Variants in NXN observed in about 807,000 individuals in gnomAD.
NXN encodes the protein nucleoredoxin.
In NXN, 16 loss-of-function variants were observed where a neutral mutation model predicts 48.6. That is an observed-to-expected ratio of 0.33 (90% CI 0.22 to 0.50). NXN has a LOEUF of 0.50. Ranked by LOEUF, NXN falls within the 20% of genes least tolerant of loss-of-function variation. NXN has a pLI of 0.98. For missense variants in NXN, 492 were observed against 605.5 expected, an observed-to-expected ratio of 0.81 and a Z score of 1.97; for synonymous variants, 281 against 269.6, an observed-to-expected ratio of 1.04 and a Z score of -0.41.
chr17:934,812 T>G (rs2068891553), intron 1 of NXN, among the ~76,000 whole-genome samples: 1 of 151,416 alleles, frequency 6.6e-6, no homozygotes, highest in South Asian at 2.1e-4. Flanking sequence ...AGGCGGAGGG[T>G]GCAGTGAGCC....
chr17:904,423 T>C (rs617559), intron 1 of NXN, among the ~76,000 whole-genome samples: 134,049 of 152,074 alleles, frequency 0.88, 59,220 homozygotes, highest in East Asian at 0.97. Flanking sequence ...CAGTGGCCTC[T>C]TTTCCGAGGG....
intron 1 of NXN, among the ~76,000 whole-genome samples, chr17:933,033 G>A (rs1355276309): frequency 1.3e-5 from 2 of 152,098 alleles, no homozygotes; most frequent in Non-Finnish European, 2.9e-5. Flanking sequence ...GCTGTGGCCC[G>A]AAGCTCCCAA....
intron 1 of NXN, 66 bp downstream of exon 1, chr17:979,253 T>TGGGGGGCGGGCAGGGGGAACGGGCGG: frequency 1.3e-6 from 1 of 742,602 alleles, no homozygotes; most frequent in South Asian, 3.9e-5. Context: ...GTAACGGGCG[T>TGGGGGGCGGGCAGGGGGAACGGGCGG]GGGGGGCGGG....
intron 1 of NXN, among the ~76,000 whole-genome samples, chr17:833,328 G>T (rs544391918): frequency 1.3e-5 from 2 of 152,250 alleles, no homozygotes; most frequent in African/African-American, 2.4e-5. Flanking sequence ...AAACAATGTG[G>T]TCTGCACGGG....
intron 1 of NXN, among the ~76,000 whole-genome samples, chr17:979,115 G>A (rs1286104261): frequency 8.9e-6 from 1 of 112,792 alleles, no homozygotes; most frequent in African/African-American, 3.6e-5. Context: ...GGAAGGGGGG[G>A]GGGCAGAGGC....
At chr17:843,002 AAG>A (rs796094572) in intron 1 of NXN, among the ~76,000 whole-genome samples, 2 of 100,178 alleles carry the variant, frequency 2.0e-5, no homozygotes, top group African/African-American at 7.9e-5. Flanking sequence ...GAAAGAGAGA[AAG>A]AGAGAAAGAA....
chr17:833,039 T>C (rs540470818), intron 1 of NXN, among the ~76,000 whole-genome samples: 4 of 152,056 alleles, frequency 2.6e-5, no homozygotes, highest in South Asian at 2.1e-4. Context: ...TACAGGCACC[T>C]GCCACCACGC....
chr17:953,234 G>C (rs1423230154), intron 1 of NXN, among the ~76,000 whole-genome samples: 1 of 152,100 alleles, frequency 6.6e-6, no homozygotes, highest in African/African-American at 2.4e-5. Context: ...GGCCAACATG[G>C]TGAAACCCCA....
intron 1 of NXN, among the ~76,000 whole-genome samples, chr17:841,418 G>A (rs62067125): frequency 0.11 from 9,088 of 81,316 alleles, 779 homozygotes; most frequent in East Asian, 0.32. Flanking sequence ...CCCTGACCAC[G>A]GCGCATCTCA....
intron 1 of NXN, among the ~76,000 whole-genome samples, chr17:857,799 C>A (rs576736979): frequency 6.6e-6 from 1 of 152,066 alleles, no homozygotes; most frequent in Non-Finnish European, 1.5e-5. Context: ...CTAGGTGGCA[C>A]GAGTATCCCT....
chr17:824,639 T>C (rs1913001466), intron 2 of NXN, among the ~76,000 whole-genome samples: 1 of 152,210 alleles, frequency 6.6e-6, no homozygotes, highest in Non-Finnish European at 1.5e-5. Context: ...TCTGATTCTA[T>C]TGCTCTTGAT....
rs979526329 is a variant in NXN, at chr17:836,116, A to G, written c.361-10038T>C. ...CGGTGGGATTCGTCAGCCCCCACAG[A>G]GGCCGCAGGGGAAAAACACCGGTGG... is the stretch of plus-strand genomic sequence containing the variant. On this transcript the variant is annotated intron_variant, in intron 1 of 7. Transcript: ENST00000336868. 3.4e-4 allele frequency among the ~76,000 whole-genome samples: 47 copies of G among 137,398 alleles called. 3 individuals are homozygous for G. The highest frequency in any genetic ancestry group is 3.6e-3 in the Middle Eastern group (1 of 280). 90.1% of individuals were successfully genotyped at this position (137,398 alleles called of 152,430 possible).
At chr17:872,379 GGA>G (rs149925384) in intron 1 of NXN, among the ~76,000 whole-genome samples, 1 of 149,230 alleles carries the variant, frequency 6.7e-6, no homozygotes, top group East Asian at 2.0e-4. Flanking sequence ...AGACAAGGAG[GGA>G]GAGAGAGAGA....
chr17:972,156 C>A (rs140031907), intron 1 of NXN, among the ~76,000 whole-genome samples: 1 of 152,094 alleles, frequency 6.6e-6, no homozygotes, highest in Non-Finnish European at 1.5e-5. Context: ...CAAAATTAGC[C>A]GGGCGTGGTG....
chr17:841,945 T>C (rs1914349197), intron 1 of NXN, among the ~76,000 whole-genome samples: 1 of 152,094 alleles, frequency 6.6e-6, no homozygotes, highest in African/African-American at 2.4e-5. Flanking sequence ...GAGGCCAGCC[T>C]GGTCAACATG....
At chr17:833,770 T>C (rs1383519473) in intron 1 of NXN, among the ~76,000 whole-genome samples, 2 of 152,148 alleles carry the variant, frequency 1.3e-5, no homozygotes. Flanking sequence ...GTCTTGACCT[T>C]GATTCAACTG....
chr17:803,047 G>A (rs1212879370), intron 7 of NXN, among the ~76,000 whole-genome samples: 7 of 152,208 alleles, frequency 4.6e-5, no homozygotes, highest in African/African-American at 1.4e-4. Flanking sequence ...GGAGACGCCC[G>A]TCTGCAGGGT....
At chr17:949,837 C>T (rs2069089758) in intron 1 of NXN, among the ~76,000 whole-genome samples, 1 of 151,362 alleles carries the variant, frequency 6.6e-6, no homozygotes, top group South Asian at 2.1e-4. Flanking sequence ...CAGCCTGGAG[C>T]AGTGGGGGCT....
Position 841,688 on chromosome 17 carries a change from G to GGC in NXN, c.361-15612_361-15611dup, listed in dbSNP as rs1914325353. 8.8e-5 allele frequency among the ~76,000 whole-genome samples: 10 copies of GGC among 113,560 alleles called. No individual in the cohort carries two copies. In the East Asian group the frequency reaches 9.8e-4, roughly 11 times the overall value. The allele number at this position is 113,560 out of a possible 152,430, so 74.5% of individuals were successfully genotyped here. On this transcript the variant is annotated intron_variant, in intron 1 of 7. Coordinates refer to ENST00000336868, the MANE Select transcript of NXN (RefSeq NM_022463.5). ...CGGCGAGCAGGTCCACCCTGACCAT[G>GGC]GCACATCTCACGCCGGTGAGCAGGT...
Sources: allele counts gnomAD v4.1 joint callset (sites outside exome capture counted in the v4.1 genomes callset), GRCh38; gene constraint gnomAD v4.1.1; transcripts MANE v1.5; gene names NCBI Gene and HGNC (gene_info 2026-07-23, HGNC 2026-07-21).